The following CASQ1 variants were observed in gnomAD, a reference collection of about 807,000 sequenced individuals.
The protein encoded by CASQ1 is calsequestrin-1.
A neutral mutation model predicts 49.5 loss-of-function variants in CASQ1; 40 were observed. The observed-to-expected ratio is 0.81, with a 90% CI of 0.63 to 1.05. The LOEUF (loss-of-function observed/expected upper bound fraction) is 1.05. Ranked by LOEUF, CASQ1 falls within the 50% of genes least tolerant of loss-of-function variation. The probability of loss-of-function intolerance (pLI) is 0.00; values close to 1 mark genes in which losing one functional copy is unlikely to be tolerated. For synonymous variants in CASQ1, 174 were observed against 187.2 expected (o/e 0.93, Z 0.58); for missense variants, 469 against 486.9 (o/e 0.96, Z 0.35).
chr1:160,195,048 C>T lies in CASQ1; in HGVS notation c.502C>T (p.Arg168Ter), dbSNP rs558396415. 1.3e-5 allele frequency: 21 copies of T among 1,612,928 alleles called. No individual in the cohort carries two copies. Among genetic ancestry groups the T allele is most frequent in the Admixed American group, 1.2e-4 (7 of 59,880 alleles). ...EDPVELIEGE[R>*]ELQAFENIED... ...CCCTGTGGAATTGATTGAAGGTGAACGAGAGCTGCAGGCGTTTGAGAATAT... is the reference window on the plus strand; with the variant it reads ...CCCTGTGGAATTGATTGAAGGTGAATGAGAGCTGCAGGCGTTTGAGAATAT... The change falls in exon 4 of 11, where the codon CGA becomes TGA. Residue 168 changes from arginine to a stop codon, truncating the protein, a stop_gained. Coordinates refer to ENST00000368078, the MANE Select transcript of CASQ1 (RefSeq NM_001231.5). LOFTEE classifies it high-confidence loss of function.
At chr1:160,200,042 A>C in intron 10 of CASQ1, 117 bp downstream of exon 10, 1 of 730,542 alleles carries the variant, frequency 1.4e-6, no homozygotes, top group Non-Finnish European at 2.5e-6. Context: ...AGACATGCCC[A>C]GTCTAGTGGC....
chr1:160,194,606 C>CCACA (rs1462241550), intron 3 of CASQ1, among the ~76,000 whole-genome samples: 1 of 135,618 alleles, frequency 7.4e-6, no homozygotes, highest in Non-Finnish European at 1.6e-5. Flanking sequence ...CATGCACACA[C>CCACA]CACATGCACA....
In CASQ1 at chr1:160,201,362, G is replaced by A; in HGVS notation, c.1177G>A (p.Asp393Asn). Residue 393 changes from aspartate (D) to asparagine (N), a missense_variant, in exon 11 of 11, where the codon GAT (aspartate) becomes AAT (asparagine). Coordinates refer to ENST00000368078, the MANE Select transcript of CASQ1 (RefSeq NM_001231.5). ...GEINTEDDDD[D>N]DDD The stretch of plus-strand genomic sequence containing the variant: ...GATCAACACAGAGGACGATGACGAT[G>A]ATGATGATGACTAGTTGCTATGGCA... 1 of 1,613,966 alleles carries A rather than the reference G, an allele frequency of 6.2e-7. No homozygotes were observed. Among genetic ancestry groups the A allele is most frequent in the Non-Finnish European group, 8.5e-7 (1 of 1,179,900 alleles).
At position 160,195,478 on chromosome 1, in the gene CASQ1, G is replaced by A. The variant is rs1172516587; in HGVS notation, c.595G>A (p.Asp199Asn). 1.2e-6 allele frequency: 2 copies of A among 1,614,042 alleles called. No homozygotes were observed. The highest frequency in any genetic ancestry group is 1.1e-5 in the South Asian group (1 of 91,072). Residue 199 changes from aspartate (D) to asparagine (N), a missense_variant, in exon 5 of 11, where the codon GAT becomes AAT. Asp to Asn is a conservative substitution (Grantham distance 23). Transcript: ENST00000368078. ...CCCCCCAGATTACAAAGCCTTCGAGGATGCAGCTGAGGAGTTTCATCCCTA... is the reference window on the plus strand; with the variant it reads ...CCCCCCAGATTACAAAGCCTTCGAGAATGCAGCTGAGGAGTTTCATCCCTA... ...KDSEHYKAFEDAAEEFHPYIP... is the reference protein window; with the variant it reads ...KDSEHYKAFENAAEEFHPYIP...
At chr1:160,197,706 G>C in intron 7 of CASQ1, 92 bp downstream of exon 7, 1 of 898,358 alleles carries the variant, frequency 1.1e-6, no homozygotes, top group Admixed American at 1.7e-5. Flanking sequence ...TGCTCCTCAG[G>C]CCCATTTTTA....
At chr1:160,195,651 T>TG (rs1444453184) in intron 5 of CASQ1, 117 bp downstream of exon 5, 1 of 754,978 alleles carries the variant, frequency 1.3e-6, no homozygotes, top group South Asian at 1.6e-5. Context: ...ACTCCCTACC[T>TG]GCCCCCCCCC....
At chr1:160,196,710 A>G (rs1238307409) in intron 6 of CASQ1, among the ~76,000 whole-genome samples, 5 of 152,146 alleles carry the variant, frequency 3.3e-5, no homozygotes, top group African/African-American at 1.2e-4. Context: ...TCCTGACCTC[A>G]AGTGATGCGC....
In CASQ1 at chr1:160,201,576, G is replaced by C. The variant is rs1415751202; in HGVS notation, c.*200G>C. The C allele has an allele frequency of 6.7e-6, 4 of 600,180 alleles. No homozygotes were observed. Among genetic ancestry groups the C allele is most frequent in the Non-Finnish European group, 1.2e-5 (4 of 336,988 alleles). 37.2% of individuals were successfully genotyped at this position (600,180 alleles called of 1,614,324 possible). On this transcript the variant is annotated 3_prime_UTR_variant, in exon 11 of 11. Transcript: ENST00000368078. ...CTACTTTTCCCTAGACACCAGGCCA[G>C]CTCTCTCTTATCTGACTTCTGTTTC...
intron 10 of CASQ1, among the ~76,000 whole-genome samples, chr1:160,200,848 C>G (rs1256210192): frequency 6.6e-6 from 1 of 151,976 alleles, no homozygotes; most frequent in Admixed American, 6.6e-5. Flanking sequence ...CGCTTCAGCC[C>G]GGGCAATAGA....
chr1:160,192,734 C>T (rs1654105910), intron 1 of CASQ1, 68 bp from the exon 2 acceptor site: 1 of 1,376,552 alleles, frequency 7.3e-7, no homozygotes, highest in Non-Finnish European at 1.0e-6. Flanking sequence ...AACTTGAAAG[C>T]ATGAGAGGGA....
Position 160,190,591 on chromosome 1 carries a change from T to C in CASQ1, c.-161T>C, listed in dbSNP as rs1329743132. On this transcript the variant is annotated 5_prime_UTR_variant, in exon 1 of 11. Transcript: ENST00000368078. ...TTTTCCCTTGGCTCTGTCGGCAGTT[T>C]CTCCAGGACCCAGCAGTGCCCTCTG... 1 of 647,764 alleles carries C rather than the reference T, an allele frequency of 1.5e-6. No homozygotes were observed. The highest frequency in any genetic ancestry group is 2.2e-5 in the South Asian group (1 of 46,180). 40.1% of individuals were successfully genotyped at this position (647,764 alleles called of 1,614,324 possible).
At chr1:160,194,323 TAC>T (rs147058636) in intron 3 of CASQ1, among the ~76,000 whole-genome samples, 22,547 of 137,676 alleles carry the variant, frequency 0.16, 1,699 homozygotes, top group South Asian at 0.32. Context: ...GCCACACATG[TAC>T]ACACACACTA....
chr1:160,197,471 C>A (rs1217256021), intron 6 of CASQ1, 98 bp from the exon 7 acceptor site: 2 of 852,638 alleles, frequency 2.3e-6, no homozygotes, highest in African/African-American at 1.7e-5. Flanking sequence ...GCTGTCTGTG[C>A]CCTGGGCCTG....
At chr1:160,198,795 G>A (rs941611122) in intron 8 of CASQ1, 64 bp downstream of exon 8, 2 of 1,448,484 alleles carry the variant, frequency 1.4e-6, no homozygotes, top group African/African-American at 1.4e-5. Context: ...GTTTATTGGA[G>A]CATGGGCCTC....
intron 5 of CASQ1, 51 bp from the exon 6 acceptor site, chr1:160,195,846 A>G: frequency 6.3e-7 from 1 of 1,593,022 alleles, no homozygotes; most frequent in Non-Finnish European, 8.6e-7. Context: ...CTGCTTCTCG[A>G]CATGACCCTG....
intron 6 of CASQ1, among the ~76,000 whole-genome samples, chr1:160,196,240 T>C (rs1336982439): frequency 6.6e-6 from 1 of 151,474 alleles, no homozygotes. Flanking sequence ...ACCGAGAGGG[T>C]CCTTCATAAG....
intron 10 of CASQ1, 34 bp downstream of exon 10, chr1:160,199,959 C>T (rs752822562): frequency 1.1e-5 from 16 of 1,406,114 alleles, no homozygotes; most frequent in African/African-American, 8.5e-5. Flanking sequence ...GGTTGACCCC[C>T]GACTCTACTT....
At position 160,201,459 on chromosome 1, in the gene CASQ1, G is replaced by C; in HGVS notation, c.*83G>C. On this transcript the variant is annotated 3_prime_UTR_variant, in exon 11 of 11. Transcript: ENST00000368078. ...CCTTGTCCTTCCCTGAGTTCCTCCA[G>C]GGAGACTAGGTTATTCTCTGCCATA... 6.9e-7 allele frequency: 1 copy of C among 1,456,170 alleles called. No individual in the cohort carries two copies. Among genetic ancestry groups the C allele is most frequent in the Non-Finnish European group, 9.5e-7 (1 of 1,056,974 alleles). The allele number at this position is 1,456,170 out of a possible 1,614,324, so 90.2% of individuals were successfully genotyped here.
intron 7 of CASQ1, among the ~76,000 whole-genome samples, 167 bp downstream of exon 7, chr1:160,197,781 G>T (rs1654277678): frequency 6.6e-6 from 1 of 152,202 alleles, no homozygotes; most frequent in African/African-American, 2.4e-5. Context: ...CACTTTGGGA[G>T]GCCAAGGTGG....
Sources: allele counts gnomAD v4.1 joint callset (sites outside exome capture counted in the v4.1 genomes callset), GRCh38; gene constraint gnomAD v4.1.1; transcripts MANE v1.5; gene names NCBI Gene and HGNC (gene_info 2026-07-23, HGNC 2026-07-21).